Variants in ELF1 observed in about 807,000 individuals in gnomAD.
ELF1 encodes the protein ETS-related transcription factor Elf-1.
ELF1 carries 24 observed loss-of-function variants against 59.9 expected under a neutral mutation model. That is an observed-to-expected ratio of 0.40 (90% confidence interval 0.29 to 0.56). The LOEUF is 0.56. ELF1 is among the 20% of genes least tolerant of loss of function. The pLI is 0.44. For missense variants in ELF1, 627 were observed against 742.2 expected (o/e 0.84, Z 1.80); for synonymous variants, 248 against 266.2 (o/e 0.93, Z 0.67).
chr13:40,998,232 C>T (rs1268821222), intron 1 of ELF1, among the ~76,000 whole-genome samples: 2 of 152,158 alleles, frequency 1.3e-5, no homozygotes, highest in East Asian at 3.8e-4. Context: ...AAGATATATA[C>T]AGTCATTTGC....
At chr13:41,044,235 T>C (rs1192119667) in intron 1 of ELF1, among the ~76,000 whole-genome samples, 2 of 152,234 alleles carry the variant, frequency 1.3e-5, no homozygotes, top group East Asian at 3.8e-4. Context: ...AATCATGTCA[T>C]CTGCAAAGAG....
chr13:41,014,163 G>A lies in ELF1; in HGVS notation c.-229+5065C>T, dbSNP rs1875230236. On this transcript the variant is annotated intron_variant, in intron 1 of 8. Transcript: ENST00000239882. ...ACAACTTCTCTAAGTGGTTACCTTTGGACAGCAGGACTGAGAGTCAGAAGG... is the reference window on the plus strand; with the variant it reads ...ACAACTTCTCTAAGTGGTTACCTTTAGACAGCAGGACTGAGAGTCAGAAGG... Among the ~76,000 whole-genome samples, 5 of 152,078 alleles carry A rather than the reference G, an allele frequency of 3.3e-5. No homozygotes were observed. The South Asian group carries it at 1.0e-3, about 32-fold the overall frequency.
At chr13:40,976,563 C>T (rs932319359) in intron 2 of ELF1, among the ~76,000 whole-genome samples, 28 of 152,158 alleles carry the variant, frequency 1.8e-4, no homozygotes, top group Non-Finnish European at 3.2e-4. Context: ...TTGTTTTAGA[C>T]GGAGTTTCAC....
At chr13:41,037,376 AC>A (rs1876423871) in intron 1 of ELF1, among the ~76,000 whole-genome samples, 2 of 152,234 alleles carry the variant, frequency 1.3e-5, no homozygotes, top group African/African-American at 4.8e-5. Context: ...GTCAAAAATT[AC>A]AACTTGCCTG....
At chr13:41,016,428 A>G (rs1033569105) in intron 1 of ELF1, among the ~76,000 whole-genome samples, 9 of 152,190 alleles carry the variant, frequency 5.9e-5, no homozygotes, top group Admixed American at 4.6e-4. Flanking sequence ...TCTTATTTCA[A>G]AGGAGGAGGA....
chr13:40,990,748 G>A (rs1389360247), intron 1 of ELF1, among the ~76,000 whole-genome samples: 5 of 151,498 alleles, frequency 3.3e-5, no homozygotes, highest in African/African-American at 9.7e-5. Context: ...CCAGCTACTC[G>A]GGAGGCTGGG....
intron 1 of ELF1, among the ~76,000 whole-genome samples, chr13:41,037,059 A>G (rs1876410558): frequency 6.6e-6 from 1 of 152,040 alleles, no homozygotes; most frequent in African/African-American, 2.4e-5. Flanking sequence ...CATATGTAAC[A>G]AACCTGCACG....
chr13:40,943,299 G>C (rs1211702153), intron 6 of ELF1, among the ~76,000 whole-genome samples, 155 bp from the exon 7 acceptor site: 1 of 152,176 alleles, frequency 6.6e-6, no homozygotes, highest in Non-Finnish European at 1.5e-5. Context: ...TAGTATGGGT[G>C]ATATAATGGT....
chr13:41,010,304 A>T (rs537436769), intron 1 of ELF1, among the ~76,000 whole-genome samples: 52 of 151,296 alleles, frequency 3.4e-4, no homozygotes, highest in African/African-American at 1.2e-3. Flanking sequence ...CACAGAAAAG[A>T]AATTTGCACG....
chr13:41,004,709 CT>C (rs1332233327), intron 1 of ELF1, among the ~76,000 whole-genome samples: 1 of 151,884 alleles, frequency 6.6e-6, no homozygotes, highest in Non-Finnish European at 1.5e-5. Flanking sequence ...AAATATTAGC[CT>C]AATATTTCAT....
intron 1 of ELF1, among the ~76,000 whole-genome samples, chr13:40,991,437 T>G (rs1483433482): frequency 6.6e-6 from 1 of 152,194 alleles, no homozygotes; most frequent in Non-Finnish European, 1.5e-5. Flanking sequence ...TTACTTTTAT[T>G]GTAAACATTT....
chr13:41,000,804 A>T (rs1298491156), intron 1 of ELF1, among the ~76,000 whole-genome samples: 1 of 152,074 alleles, frequency 6.6e-6, no homozygotes, highest in African/African-American at 2.4e-5. Flanking sequence ...ATCTCTAATA[A>T]CTACTGATAT....
rs900659879 is a variant in ELF1, at chr13:40,977,295, T to C, written c.72+4688A>G. Among the ~76,000 whole-genome samples the C allele has an allele frequency of 2.6e-5, 4 of 152,232 alleles. 1 individual carries two copies. The highest frequency in any genetic ancestry group is 2.1e-4 in the South Asian group (1 of 4,832). ...CAAAGCACCATTGCATAAAGGGATA[T>C]TGCATTCAATACTGATGGGGTTGCT... On this transcript the variant is annotated intron_variant, in intron 2 of 8. Transcript: ENST00000239882.
intron 1 of ELF1, among the ~76,000 whole-genome samples, chr13:41,011,791 C>G (rs574535793): frequency 6.6e-6 from 1 of 151,914 alleles, no homozygotes; most frequent in Non-Finnish European, 1.5e-5. Flanking sequence ...ATAGGAGGGT[C>G]TCACTATGTT....
chr13:40,953,847 G>A (rs1024518346), intron 3 of ELF1, among the ~76,000 whole-genome samples: 3 of 152,320 alleles, frequency 2.0e-5, no homozygotes, highest in South Asian at 2.1e-4. Flanking sequence ...TGGTAAGTTG[G>A]GAGGTAAGGC....
At chr13:40,940,153 T>C (rs952137135) in intron 8 of ELF1, among the ~76,000 whole-genome samples, 1 of 152,152 alleles carries the variant, frequency 6.6e-6, no homozygotes, top group African/African-American at 2.4e-5. Context: ...TTATTGGCTT[T>C]GAAAGGGCTG....
chr13:41,041,274 A>AT (rs1876598456), intron 1 of ELF1, among the ~76,000 whole-genome samples: 2 of 151,976 alleles, frequency 1.3e-5, no homozygotes, highest in Non-Finnish European at 2.9e-5. Context: ...AAAAAAAAAA[A>AT]AAAAACCTAT....
chr13:40,933,563 A>G lies in ELF1; in HGVS notation c.1722T>C (p.Ser574=), dbSNP rs745712841. 2.5e-6 allele frequency: 4 copies of G among 1,614,122 alleles called. No homozygotes were observed. In the African/African-American group the frequency reaches 5.3e-5, roughly 22 times the overall value. ...CAGTGTTCTCTTTCAAATGATCTTC[A>G]GATTCCTTTTTCTCTACTTCCTGTG... ...TLTQEVEKKE[S]EDHLKENTEK... Residue 574 remains serine (S), a synonymous_variant, in exon 9 of 9, where the codon TCT becomes TCC. Coordinates refer to ENST00000239882, the MANE Select transcript of ELF1 (RefSeq NM_172373.4).
exon 1 of ELF1, chr13:41,060,944 C>CGCT (rs1555283734): frequency 8.7e-5 from 23 of 265,230 alleles, no homozygotes; most frequent in African/African-American, 2.8e-4. Flanking sequence ...CCGCCGCCGC[C>CGCT]GCTGCTGCTG....
Sources: allele counts gnomAD v4.1 joint callset (sites outside exome capture counted in the v4.1 genomes callset), GRCh38; gene constraint gnomAD v4.1.1; transcripts MANE v1.5; gene names NCBI Gene and HGNC (gene_info 2026-07-23, HGNC 2026-07-21).